RBFOX1: variants seen among roughly 807,000 people sequenced by gnomAD.
RBFOX1 encodes RNA binding protein fox-1 homolog 1.
RBFOX1 carries 8 observed loss-of-function variants against 57.7 expected under a neutral mutation model. That is an observed-to-expected ratio of 0.14 (90% CI 0.08 to 0.25). The LOEUF (loss-of-function observed/expected upper bound fraction) is 0.25. Among genes scored for constraint, RBFOX1 ranks in the 10% least tolerant of loss-of-function variants. The probability of loss-of-function intolerance (pLI) is 1.00; values close to 1 mark genes in which losing one functional copy is unlikely to be tolerated. For synonymous variants in RBFOX1, 326 were observed against 222.4 expected (o/e 1.47, Z -4.15); for missense variants, 611 against 548.5 (o/e 1.11, Z -1.14).
intron 1 of RBFOX1, among the ~76,000 whole-genome samples, chr16:6,223,821 T>C (rs1050642109): frequency 5.3e-5 from 8 of 152,228 alleles, no homozygotes; most frequent in African/African-American, 1.9e-4. Context: ...CTTCTAGGGT[T>C]TTTATGGTCT....
chr16:7,179,822 C>T (rs1341576147), intron 4 of RBFOX1, among the ~76,000 whole-genome samples: 1 of 151,924 alleles, frequency 6.6e-6, no homozygotes, highest in Admixed American at 6.6e-5. Flanking sequence ...GCAACCTACT[C>T]CTCCCAGGTT....
chr16:6,455,477 A>G (rs958999725), intron 2 of RBFOX1, among the ~76,000 whole-genome samples: 1 of 152,276 alleles, frequency 6.6e-6, no homozygotes, highest in Admixed American at 6.5e-5. Flanking sequence ...GGCAGGCAAC[A>G]TGTAAACAGC....
intron 4 of RBFOX1, among the ~76,000 whole-genome samples, chr16:7,301,880 G>C (rs932185137): frequency 5.9e-5 from 9 of 152,156 alleles, no homozygotes; most frequent in African/African-American, 2.2e-4. Context: ...GTGTTCTGTG[G>C]AGTGACTTTC....
At position 7,198,682 on chromosome 16, in the gene RBFOX1, T is replaced by G. The variant is rs140662245; in HGVS notation, c.27+146584T>G. On this transcript the variant is annotated intron_variant, in intron 4 of 15. Coordinates refer to ENST00000550418, the MANE Select transcript of RBFOX1 (RefSeq NM_018723.4). ...GAGGGAAGAATAGATGAACTCACTT[T>G]TATAACAATCCACTCACATGATAAC... 3.9e-5 allele frequency among the ~76,000 whole-genome samples: 6 copies of G among 152,290 alleles called. No homozygotes were observed. In the East Asian group the frequency reaches 1.2e-3, roughly 29 times the overall value.
At chr16:6,996,315 T>G (rs1434100534) in intron 3 of RBFOX1, among the ~76,000 whole-genome samples, 1 of 152,190 alleles carries the variant, frequency 6.6e-6, no homozygotes, top group Non-Finnish European at 1.5e-5. Context: ...GTACTGGGAT[T>G]TTTAAATTTG....
intron 2 of RBFOX1, among the ~76,000 whole-genome samples, chr16:6,648,605 G>A (rs1460009334): frequency 6.6e-6 from 1 of 152,108 alleles, no homozygotes; most frequent in Non-Finnish European, 1.5e-5. Flanking sequence ...CCCCTGGAGG[G>A]CTTGGTAGCA....
chr16:6,877,252 C>T (rs1383928065), intron 3 of RBFOX1, among the ~76,000 whole-genome samples: 1 of 152,202 alleles, frequency 6.6e-6, no homozygotes, highest in Non-Finnish European at 1.5e-5. Context: ...CACATGTTGA[C>T]ATGTCCTAGA....
intron 4 of RBFOX1, among the ~76,000 whole-genome samples, chr16:5,997,935 T>G (rs560654383): frequency 1.4e-4 from 22 of 152,310 alleles, no homozygotes; most frequent in African/African-American, 4.6e-4. Context: ...TTCCGACATC[T>G]CTTGAACAAT....
At chr16:5,757,208 G>A (rs973787610) in intron 3 of RBFOX1, among the ~76,000 whole-genome samples, 1 of 149,418 alleles carries the variant, frequency 6.7e-6, no homozygotes, top group South Asian at 2.1e-4. Flanking sequence ...GGCGGGGAAG[G>A]TTTTTTTTGT....
intron 4 of RBFOX1, among the ~76,000 whole-genome samples, chr16:5,900,944 G>T (rs938230911): frequency 2.6e-5 from 4 of 152,230 alleles, no homozygotes; most frequent in African/African-American, 9.6e-5. Flanking sequence ...GAGACTGACA[G>T]TGCAGTGGCT....
intron 14 of RBFOX1, among the ~76,000 whole-genome samples, chr16:7,697,552 TA>T (rs2079179910): frequency 6.6e-6 from 1 of 152,174 alleles, no homozygotes; most frequent in Non-Finnish European, 1.5e-5. Flanking sequence ...ATATGTATGA[TA>T]AACTATATAT....
At chr16:5,922,251 A>C (rs1338203173) in intron 4 of RBFOX1, among the ~76,000 whole-genome samples, 1 of 152,202 alleles carries the variant, frequency 6.6e-6, no homozygotes, top group African/African-American at 2.4e-5. Flanking sequence ...TAATCCATTC[A>C]TGAGGGATCC....
intron 1 of RBFOX1, among the ~76,000 whole-genome samples, chr16:6,254,667 G>T (rs534071442): frequency 6.6e-6 from 1 of 152,146 alleles, no homozygotes; most frequent in South Asian, 2.1e-4. Context: ...CATTCAATGG[G>T]GGAAAGCAAT....
intron 3 of RBFOX1, among the ~76,000 whole-genome samples, chr16:6,684,330 G>C (rs2059114290): frequency 1.3e-5 from 2 of 152,312 alleles, no homozygotes; most frequent in South Asian, 2.1e-4. Flanking sequence ...AAGGAAGACA[G>C]GTATGCTTTT....
At chr16:7,350,925 G>A (rs1477477740) in intron 4 of RBFOX1, among the ~76,000 whole-genome samples, 2 of 152,170 alleles carry the variant, frequency 1.3e-5, no homozygotes, top group Admixed American at 6.5e-5. Flanking sequence ...ATCCAAAGGG[G>A]TTACATGCAA....
At chr16:7,315,667 T>TATATATATATATATATATATATAA (rs1568172968) in intron 4 of RBFOX1, among the ~76,000 whole-genome samples, 3 of 143,564 alleles carry the variant, frequency 2.1e-5, no homozygotes, top group African/African-American at 7.7e-5. Flanking sequence ...TATATATATA[T>TATATATATATATATATATATATAA]GGAACATTAC....
At chr16:5,526,058 C>T (rs1187968441) in intron 2 of RBFOX1, among the ~76,000 whole-genome samples, 1 of 152,022 alleles carries the variant, frequency 6.6e-6, no homozygotes. Flanking sequence ...ACATGTCAAC[C>T]CCCAGGCAGT....
intron 3 of RBFOX1, among the ~76,000 whole-genome samples, chr16:7,010,977 G>C (rs2093627542): frequency 6.6e-6 from 1 of 152,168 alleles, no homozygotes; most frequent in Non-Finnish European, 1.5e-5. Flanking sequence ...TAACTACTTA[G>C]GCTGTTCTTT....
At chr16:5,817,793 G>A (rs888539897) in intron 3 of RBFOX1, among the ~76,000 whole-genome samples, 25 of 151,176 alleles carry the variant, frequency 1.7e-4, no homozygotes, top group Middle Eastern at 3.4e-3. Context: ...TCCCGGGTTC[G>A]CGCCATTCTC....
Sources: gnomAD v4.1 joint callset for allele counts (sites outside exome capture counted in the v4.1 genomes callset) on GRCh38, gnomAD v4.1.1 for gene constraint, MANE v1.5 for transcripts, NCBI Gene and HGNC (gene_info 2026-07-23, HGNC 2026-07-21) for gene names.